The following TEC variants were observed in gnomAD, a reference collection of about 807,000 sequenced individuals.
TEC encodes the protein tec protein tyrosine kinase.
Under a neutral mutation model 93.0 loss-of-function variants are expected in TEC, and 72 were observed. That is an observed-to-expected ratio of 0.77 (90% CI 0.64 to 0.94). The LOEUF (loss-of-function observed/expected upper bound fraction) is 0.94. TEC is among the 40% of genes least tolerant of loss of function. The pLI is 0.00. For missense variants in TEC, 630 were observed against 757.9 expected, an observed-to-expected ratio of 0.83 and a Z score of 1.98; for synonymous variants, 249 against 247.7, an observed-to-expected ratio of 1.01 and a Z score of -0.05.
intron 17 of TEC, 28 bp from the exon 18 acceptor site, chr4:48,137,527 T>TG (rs1489411693): frequency 6.2e-7 from 1 of 1,604,918 alleles, no homozygotes; most frequent in South Asian, 1.1e-5. Flanking sequence ...AGAGAAGCTG[T>TG]GGGTTCCAGA....
intron 1 of TEC, among the ~76,000 whole-genome samples, chr4:48,237,183 GT>G (rs1723808146): frequency 6.6e-6 from 1 of 151,912 alleles, no homozygotes; most frequent in Non-Finnish European, 1.5e-5. Context: ...ATACAGTCGT[GT>G]TGGCATGCAC....
At chr4:48,266,555 T>C (rs1449693699) in intron 1 of TEC, among the ~76,000 whole-genome samples, 1 of 151,818 alleles carries the variant, frequency 6.6e-6, no homozygotes, top group Non-Finnish European at 1.5e-5. Flanking sequence ...CCAAGGAAAA[T>C]AAAAAGTTAT....
intron 3 of TEC, among the ~76,000 whole-genome samples, chr4:48,174,537 T>C (rs1444809082): frequency 2.0e-5 from 3 of 152,020 alleles, no homozygotes; most frequent in Non-Finnish European, 4.4e-5. Flanking sequence ...TATATGCCTA[T>C]AATCCCAGCT....
chr4:48,211,197 C>T (rs12511665), intron 2 of TEC, among the ~76,000 whole-genome samples: 37,787 of 152,144 alleles, frequency 0.25, 5,448 homozygotes, highest in Admixed American at 0.33. Flanking sequence ...CACAGAAATT[C>T]TGTAAACTCA....
chr4:48,263,979 A>G (rs969909108), intron 1 of TEC, among the ~76,000 whole-genome samples: 3 of 152,216 alleles, frequency 2.0e-5, no homozygotes, highest in Non-Finnish European at 4.4e-5. Flanking sequence ...AGATTGGTAA[A>G]GAAATTATAC....
At chr4:48,196,199 A>T (rs1260637685) in intron 2 of TEC, among the ~76,000 whole-genome samples, 1 of 152,166 alleles carries the variant, frequency 6.6e-6, no homozygotes, top group East Asian at 1.9e-4. Context: ...TGAGTGGGGA[A>T]GATCCCTACT....
chr4:48,154,943 G>T (rs1348595585), intron 9 of TEC, among the ~76,000 whole-genome samples: 3 of 152,140 alleles, frequency 2.0e-5, no homozygotes, highest in Admixed American at 6.6e-5. Flanking sequence ...TAATGATAAG[G>T]CTGACCAACA....
chr4:48,159,550 G>A (rs961419998), intron 8 of TEC, among the ~76,000 whole-genome samples: 8 of 147,766 alleles, frequency 5.4e-5, no homozygotes, highest in South Asian at 2.1e-4. Flanking sequence ...ATGCCACCAC[G>A]CTAATTTTTT....
chr4:48,237,416 T>C (rs1401861826), intron 1 of TEC, among the ~76,000 whole-genome samples: 1 of 151,830 alleles, frequency 6.6e-6, no homozygotes, highest in Non-Finnish European at 1.5e-5. Flanking sequence ...TTTCATACTA[T>C]TTTAAGTCAA....
intron 2 of TEC, among the ~76,000 whole-genome samples, chr4:48,214,798 G>A (rs1723018809): frequency 6.6e-6 from 1 of 151,672 alleles, no homozygotes. Flanking sequence ...AGGTTGCAGT[G>A]AGCTGAGATC....
chr4:48,207,692 G>A (rs1458701586), intron 2 of TEC, among the ~76,000 whole-genome samples: 2 of 151,922 alleles, frequency 1.3e-5, no homozygotes, highest in Non-Finnish European at 2.9e-5. Flanking sequence ...GGAGGCTGAG[G>A]TGGGAGGATC....
chr4:48,161,238 A>G (rs749019396), intron 8 of TEC, among the ~76,000 whole-genome samples: 7 of 152,214 alleles, frequency 4.6e-5, no homozygotes, highest in African/African-American at 9.6e-5. Flanking sequence ...CCAGTTATAC[A>G]TCTTAGCTTG....
chr4:48,175,986 A>AAATCAGCC (rs11282767), intron 3 of TEC, 96 bp downstream of exon 3: 327,506 of 872,996 alleles, frequency 0.38, 70,598 homozygotes, highest in East Asian at 0.89. Flanking sequence ...ATGAACCTAC[A>AAATCAGCC]AATCAGCCAG....
intron 1 of TEC, among the ~76,000 whole-genome samples, chr4:48,257,164 A>G (rs1396108362): frequency 1.3e-5 from 2 of 152,224 alleles, no homozygotes; most frequent in African/African-American, 4.8e-5. Flanking sequence ...TTATATGATT[A>G]CATGAAATTA....
intron 1 of TEC, among the ~76,000 whole-genome samples, chr4:48,232,361 A>G (rs1723673816): frequency 6.6e-6 from 1 of 152,220 alleles, no homozygotes; most frequent in Admixed American, 6.5e-5. Flanking sequence ...TCTTATACAG[A>G]ATCACACCAT....
chr4:48,176,460 C>A (rs907703559), intron 2 of TEC, among the ~76,000 whole-genome samples: 1 of 152,200 alleles, frequency 6.6e-6, no homozygotes, highest in African/African-American at 2.4e-5. Context: ...GTGGCTCATC[C>A]CTGTAATCCC....
chr4:48,228,400 A>C, intron 2 of TEC, 77 bp downstream of exon 2: 1 of 1,423,056 alleles, frequency 7.0e-7, no homozygotes, highest in East Asian at 2.5e-5. Flanking sequence ...ATTTTCAATA[A>C]GATTGGAGAG....
At chr4:48,176,954 TGA>T (rs1721357574) in intron 2 of TEC, among the ~76,000 whole-genome samples, 1 of 152,280 alleles carries the variant, frequency 6.6e-6, no homozygotes, top group South Asian at 2.1e-4. Context: ...CACACAGAAT[TGA>T]GAGTTATGTG....
chr4:48,160,243 C>T (rs1466857222), intron 8 of TEC, among the ~76,000 whole-genome samples: 1 of 152,146 alleles, frequency 6.6e-6, no homozygotes, highest in African/African-American at 2.4e-5. Context: ...CTGTGCAGTG[C>T]TAAAATGGTT....
Sources: allele counts gnomAD v4.1 joint callset (sites outside exome capture counted in the v4.1 genomes callset), GRCh38; gene constraint gnomAD v4.1.1; transcripts MANE v1.5; gene names NCBI Gene and HGNC (gene_info 2026-07-23, HGNC 2026-07-21).